The following DPP6 variants were observed in gnomAD, a reference collection of about 807,000 sequenced individuals.
DPP6 encodes the protein A-type potassium channel modulatory protein DPP6.
DPP6 carries 69 observed loss-of-function variants against 122.6 expected under a neutral mutation model. That is an observed-to-expected ratio of 0.56 (90% CI 0.46 to 0.69). The LOEUF is 0.69. Among genes scored for constraint, DPP6 ranks in the 30% least tolerant of loss-of-function variants. The pLI, the probability that DPP6 is intolerant of heterozygous loss-of-function variation, is 0.00. For missense variants in DPP6, 928 were observed against 1,116.9 expected, an observed-to-expected ratio of 0.83 and a Z score of 2.41; for synonymous variants, 418 against 433.1, an observed-to-expected ratio of 0.97 and a Z score of 0.43.
At chr7:154,121,723 C>T (rs1807482081) in intron 1 of DPP6, among the ~76,000 whole-genome samples, 1 of 152,194 alleles carries the variant, frequency 6.6e-6, no homozygotes, top group Non-Finnish European at 1.5e-5. Context: ...GAGAATGTTT[C>T]AGGTGCACTG....
At chr7:154,885,001 C>T (rs180915130) in intron 21 of DPP6, 4 of 152,654 alleles carry the variant, frequency 2.6e-5, no homozygotes, top group Admixed American at 6.5e-5. Flanking sequence ...GTCTTCCCTT[C>T]GGAGGCTGCA....
the DPP6 span, among the ~76,000 whole-genome samples, chr7:153,824,093 G>A: frequency 6.6e-6 from 1 of 152,118 alleles, no homozygotes; most frequent in Non-Finnish European, 1.5e-5. Context: ...TATCACATCA[G>A]AAATAGGTAT....
At position 153,904,360 on chromosome 7, in the gene DPP6, T is replaced by G. The variant is rs373737798; in HGVS notation, c.51+16626T>G. On this transcript the variant is annotated intron_variant, in intron 1 of 25. Coordinates refer to the DPP6 transcript ENST00000404039. ...AGTCACCACACCTGGCCAGTTATTC[T>G]TTGATTCTCCTGCACCATCTTTCAA... Among the ~76,000 whole-genome samples the G allele has an allele frequency of 8.2e-4, 125 of 152,284 alleles. 1 individual carries two copies. Among genetic ancestry groups the G allele is most frequent in the African/African-American group, 2.8e-3 (117 of 41,570 alleles).
At chr7:154,677,006 G>A (rs1474591136) in intron 7 of DPP6, among the ~76,000 whole-genome samples, 3 of 152,182 alleles carry the variant, frequency 2.0e-5, no homozygotes, top group Non-Finnish European at 4.4e-5. Flanking sequence ...TGTTTCTTGG[G>A]ACAGACAGTT....
At chr7:153,965,534 A>T (rs1452119985) in intron 1 of DPP6, among the ~76,000 whole-genome samples, 2 of 151,836 alleles carry the variant, frequency 1.3e-5, no homozygotes, top group Non-Finnish European at 1.5e-5. Context: ...ATTTTTTGAG[A>T]TGGAGTCTCG....
chr7:154,544,501 C>T (rs146586470), intron 4 of DPP6, among the ~76,000 whole-genome samples: 4 of 152,260 alleles, frequency 2.6e-5, no homozygotes, highest in African/African-American at 9.6e-5. Context: ...TGCTCCACTG[C>T]TATGTGTTTT....
At chr7:154,186,536 C>T (rs930737398) in intron 1 of DPP6, among the ~76,000 whole-genome samples, 13 of 152,194 alleles carry the variant, frequency 8.5e-5, no homozygotes, top group Non-Finnish European at 1.6e-4. Context: ...GAGAGATGTT[C>T]CTGCAGACGC....
intron 7 of DPP6, among the ~76,000 whole-genome samples, chr7:154,724,167 AAAGCTCCCCAGGC>A (rs1841953255): frequency 6.6e-6 from 1 of 152,048 alleles, no homozygotes; most frequent in Non-Finnish European, 1.5e-5. Flanking sequence ...AGGTTTTTCA[AAAGCTCCCCAGGC>A]CATGTAATAT....
At chr7:154,281,059 C>T (rs1443583951) in intron 1 of DPP6, among the ~76,000 whole-genome samples, 1 of 151,694 alleles carries the variant, frequency 6.6e-6, no homozygotes, top group African/African-American at 2.4e-5. Flanking sequence ...GTCACCCAGG[C>T]TGGCACACAG....
chr7:154,306,741 A>G (rs1806382324), intron 1 of DPP6, among the ~76,000 whole-genome samples: 1 of 152,210 alleles, frequency 6.6e-6, no homozygotes, highest in Non-Finnish European at 1.5e-5. Flanking sequence ...ATGAAGTTTT[A>G]TGTCATCTGG....
At chr7:154,429,820 T>G (rs914105882) in intron 1 of DPP6, among the ~76,000 whole-genome samples, 2 of 152,140 alleles carry the variant, frequency 1.3e-5, no homozygotes, top group African/African-American at 4.8e-5. Flanking sequence ...CCACGTGTCT[T>G]ATGTCACATC....
intron 7 of DPP6, among the ~76,000 whole-genome samples, chr7:154,708,055 T>A (rs1197679985): frequency 6.6e-6 from 1 of 152,064 alleles, no homozygotes; most frequent in Admixed American, 6.5e-5. Context: ...ATATAGGGAA[T>A]GTGAGGGCAA....
At chr7:153,838,803 A>C in the DPP6 span, among the ~76,000 whole-genome samples, 1 of 152,220 alleles carries the variant, frequency 6.6e-6, no homozygotes, top group African/African-American at 2.4e-5. Context: ...AGCAGATGAC[A>C]TTTGCTTTAG....
intron 1 of DPP6, among the ~76,000 whole-genome samples, chr7:153,975,132 A>G (rs867439546): frequency 3.3e-5 from 5 of 152,206 alleles, no homozygotes; most frequent in African/African-American, 9.7e-5. Flanking sequence ...ATCTAGGTAC[A>G]TAGTGGGAAT....
chr7:154,803,493 C>A (rs951747658), intron 13 of DPP6, among the ~76,000 whole-genome samples: 2 of 152,138 alleles, frequency 1.3e-5, no homozygotes, highest in African/African-American at 4.8e-5. Flanking sequence ...TCACTGGTCC[C>A]CCTTCAGTAA....
intron 1 of DPP6, among the ~76,000 whole-genome samples, chr7:154,215,006 C>T (rs1799925067): frequency 6.6e-6 from 1 of 152,118 alleles, no homozygotes; most frequent in East Asian, 1.9e-4. Context: ...TGTTAGCCCC[C>T]CGGTTGCCTT....
intron 1 of DPP6, among the ~76,000 whole-genome samples, chr7:153,964,088 C>T (rs780329116): frequency 1.3e-5 from 2 of 152,116 alleles, no homozygotes; most frequent in Admixed American, 6.5e-5. Flanking sequence ...CTCCATCTCC[C>T]GGGCTCAAGT....
intron 1 of DPP6, among the ~76,000 whole-genome samples, chr7:154,232,600 AG>A (rs950889076): frequency 7.2e-5 from 11 of 152,332 alleles, no homozygotes; most frequent in African/African-American, 2.6e-4. Flanking sequence ...CCTGTTAGAA[AG>A]GGTGGACACT....
intron 1 of DPP6, among the ~76,000 whole-genome samples, chr7:154,063,492 C>A (rs555284425): frequency 7.6e-6 from 1 of 131,232 alleles, no homozygotes; most frequent in Non-Finnish European, 1.7e-5. Context: ...CCCTCTTCCC[C>A]CCCTGGCTCT....
Sources: gnomAD v4.1 joint callset for allele counts (sites outside exome capture counted in the v4.1 genomes callset) on GRCh38, gnomAD v4.1.1 for gene constraint, MANE v1.5 for transcripts, NCBI Gene and HGNC (gene_info 2026-07-23, HGNC 2026-07-21) for gene names.